The following SULT1B1 variants were observed in gnomAD, a reference collection of about 807,000 sequenced individuals.
SULT1B1 encodes the protein sulfotransferase 1B1.
Under a neutral mutation model 34.6 loss-of-function variants are expected in SULT1B1, and 28 were observed. The ratio of observed to expected loss-of-function variants is 0.81; its 90% CI spans 0.60 to 1.11. The LOEUF is 1.11. Ranked by LOEUF, SULT1B1 falls within the 50% of genes least tolerant of loss-of-function variation. The pLI, the probability that SULT1B1 is intolerant of heterozygous loss-of-function variation, is 0.00. For missense variants in SULT1B1, 374 were observed against 352.2 expected (o/e 1.06, Z -0.50); for synonymous variants, 147 against 110.2 (o/e 1.33, Z -2.09).
chr4:69,738,470 C>T (rs1718404404), intron 4 of SULT1B1, among the ~76,000 whole-genome samples: 2 of 152,128 alleles, frequency 1.3e-5, no homozygotes, highest in African/African-American at 4.8e-5. Context: ...AGGGGAAACA[C>T]CAGACACTTA....
At chr4:69,751,237 T>C (rs7659955) in intron 3 of SULT1B1, among the ~76,000 whole-genome samples, 11,296 of 152,276 alleles carry the variant, frequency 0.074, 477 homozygotes, top group African/African-American at 0.11. Context: ...TTACTTAATG[T>C]CCATTAGATG....
chr4:69,736,377 G>C (rs1355722194), intron 4 of SULT1B1, among the ~76,000 whole-genome samples: 1 of 152,204 alleles, frequency 6.6e-6, no homozygotes, highest in Non-Finnish European at 1.5e-5. Flanking sequence ...CTAAGGGACT[G>C]CTTGTGCCAC....
Position 69,724,945 on chromosome 4 carries a change from C to A in SULT1B1, c.*2143G>T, listed in dbSNP as rs968614307. The A allele has an allele frequency of 5.3e-5, 8 of 152,090 alleles. No homozygotes were observed. The highest frequency in any genetic ancestry group is 4.4e-5 in the Non-Finnish European group (3 of 68,030). 9.4% of individuals were successfully genotyped at this position (152,090 alleles called of 1,614,324 possible). A position where few individuals can be genotyped will look rare whatever the true frequency, so the allele number is the denominator to read the frequency against. On this transcript the variant is annotated 3_prime_UTR_variant, in exon 8 of 8. Coordinates refer to ENST00000310613, the MANE Select transcript of SULT1B1 (RefSeq NM_014465.4). ...AGAAGAAAACCTAGGCAATATCATT[C>A]AGGACATAGGCATGGGCAAGGACTT... is the stretch of plus-strand genomic sequence containing the variant.
Position 69,721,360 on chromosome 4 carries a change from C to T in SULT1B1, c.*5728G>A, listed in dbSNP as rs1361792796. ...AATTTATACATGGGTCATTGATAAC[C>T]ACCAGTATCTCTCTTTTTCCCCGGC... On this transcript the variant is annotated 3_prime_UTR_variant, in exon 8 of 8. Transcript: ENST00000310613. 1.3e-5 allele frequency: 2 copies of T among 152,168 alleles called. No homozygotes were observed. The highest frequency in any genetic ancestry group is 2.4e-5 in the African/African-American group (1 of 41,554). The allele number at this position is 152,168 out of a possible 1,614,324, so 9.4% of individuals were successfully genotyped here. A position where few individuals can be genotyped will look rare whatever the true frequency, so the allele number is the denominator to read the frequency against.
intron 3 of SULT1B1, among the ~76,000 whole-genome samples, chr4:69,754,365 A>C (rs41292315): frequency 0.067 from 10,162 of 152,198 alleles, 511 homozygotes; most frequent in Admixed American, 0.13. Flanking sequence ...CAAAGTCCTA[A>C]ATTAGGAACT....
At chr4:69,743,769 C>A (rs1578058815) in intron 4 of SULT1B1, among the ~76,000 whole-genome samples, 1 of 152,162 alleles carries the variant, frequency 6.6e-6, no homozygotes, top group African/African-American at 2.4e-5. Flanking sequence ...ATGACAGCAC[C>A]CGGGCTTGGT....
Position 69,726,986 on chromosome 4 carries a change from C to A in SULT1B1, c.*102G>T. ...CAACATATTAAAAGCATATTATTCTCCTTTATAAATTCATTTGATTGCCCA... is the reference window on the plus strand; with the variant it reads ...CAACATATTAAAAGCATATTATTCTACTTTATAAATTCATTTGATTGCCCA... On this transcript the variant is annotated 3_prime_UTR_variant, in exon 8 of 8. Coordinates refer to ENST00000310613, the MANE Select transcript of SULT1B1 (RefSeq NM_014465.4). The A allele has an allele frequency of 1.4e-6, 1 of 723,944 alleles. No individual in the cohort carries two copies. The highest frequency in any genetic ancestry group is 2.4e-5 in the South Asian group (1 of 41,034). 44.8% of individuals were successfully genotyped at this position (723,944 alleles called of 1,614,324 possible). A position where few individuals can be genotyped will look rare whatever the true frequency, so the allele number is the denominator to read the frequency against.
chr4:69,749,667 G>C, intron 4 of SULT1B1, 54 bp downstream of exon 4: 5 of 1,240,902 alleles, frequency 4.0e-6, no homozygotes, highest in Non-Finnish European at 5.9e-6. Context: ...AACTATGTGA[G>C]TGGGTAAAGG....
At chr4:69,753,533 A>G (rs1399902993) in intron 3 of SULT1B1, among the ~76,000 whole-genome samples, 1 of 152,122 alleles carries the variant, frequency 6.6e-6, no homozygotes, top group Non-Finnish European at 1.5e-5. Context: ...CTAATTTCCA[A>G]TTGTTTTGCA....
In SULT1B1 at chr4:69,723,258, T is replaced by C. The variant is rs1391452980; in HGVS notation, c.*3830A>G. ...AATACTAAAAACACCTCTACGCAAA[T>C]AAACTAGAAAATCTAGAAGAAATGG... On this transcript the variant is annotated 3_prime_UTR_variant, in exon 8 of 8. Coordinates refer to ENST00000310613, the MANE Select transcript of SULT1B1 (RefSeq NM_014465.4). The C allele has an allele frequency of 6.6e-6, 1 of 151,758 alleles. No homozygotes were observed. Among genetic ancestry groups the C allele is most frequent in the Non-Finnish European group, 1.5e-5 (1 of 67,954 alleles). 9.4% of individuals were successfully genotyped at this position (151,758 alleles called of 1,614,324 possible). A position where few individuals can be genotyped will look rare whatever the true frequency, so the allele number is the denominator to read the frequency against.
intron 1 of SULT1B1, 128 bp from the exon 2 acceptor site, chr4:69,755,389 C>A: frequency 1.5e-6 from 1 of 646,626 alleles, no homozygotes. Flanking sequence ...GTACAAAGGG[C>A]ATATTTTGTG....
chr4:69,740,998 T>C (rs1198243396), intron 4 of SULT1B1, among the ~76,000 whole-genome samples: 1 of 152,228 alleles, frequency 6.6e-6, no homozygotes, highest in African/African-American at 2.4e-5. Flanking sequence ...CTAAGTTTTC[T>C]TCTGGGTTTT....
At chr4:69,753,351 T>G (rs778882729) in intron 3 of SULT1B1, among the ~76,000 whole-genome samples, 3 of 152,188 alleles carry the variant, frequency 2.0e-5, no homozygotes, top group Non-Finnish European at 2.9e-5. Context: ...GCATCCTCAA[T>G]TCCACCTCTA....
rs1717726493 is a variant in SULT1B1 at position 69,723,876 on chromosome 4, A to T, written c.*3212T>A. On this transcript the variant is annotated 3_prime_UTR_variant, in exon 8 of 8. Coordinates refer to ENST00000310613, the MANE Select transcript of SULT1B1 (RefSeq NM_014465.4). Reference sequence around the variant, plus strand: ...ATTAGGTATTGATGGAATGTATCTCAAAATAAGGAGAGCCCTCTATGACAA... The same window carrying T: ...ATTAGGTATTGATGGAATGTATCTCTAAATAAGGAGAGCCCTCTATGACAA... 6.6e-6 allele frequency: 1 copy of T among 152,230 alleles called. No homozygotes were observed. Among genetic ancestry groups the T allele is most frequent in the Non-Finnish European group, 1.5e-5 (1 of 68,044 alleles). The allele number at this position is 152,230 out of a possible 1,614,324, so 9.4% of individuals were successfully genotyped here.
chr4:69,742,846 G>C (rs561998160), intron 4 of SULT1B1, among the ~76,000 whole-genome samples: 1 of 152,208 alleles, frequency 6.6e-6, no homozygotes, highest in African/African-American at 2.4e-5. Context: ...GCTGCGGTGC[G>C]GTGGGCAGCT....
At chr4:69,729,860 G>T (rs1717997705) in intron 7 of SULT1B1, among the ~76,000 whole-genome samples, 1 of 152,020 alleles carries the variant, frequency 6.6e-6, no homozygotes, top group Non-Finnish European at 1.5e-5. Context: ...TAAATGTATT[G>T]TTATTATTAA....
rs150425037 is a variant in SULT1B1 at position 69,750,265 on chromosome 4, T to C, written c.278-447A>G. On this transcript the variant is annotated intron_variant, in intron 3 of 7. Coordinates refer to ENST00000310613, the MANE Select transcript of SULT1B1 (RefSeq NM_014465.4). Reference sequence around the variant, plus strand: ...TCGTGTTGTATTAGGTACTGTAGCATAGATGATGTTAACTTTGTATATAAT... The same window carrying C: ...TCGTGTTGTATTAGGTACTGTAGCACAGATGATGTTAACTTTGTATATAAT... Among the ~76,000 whole-genome samples the C allele has an allele frequency of 9.8e-5, 15 of 152,334 alleles. No homozygotes were observed. The East Asian group carries it at 1.9e-3, about 20-fold the overall frequency.
At chr4:69,735,114 G>T (rs751527106) in intron 4 of SULT1B1, among the ~76,000 whole-genome samples, 3 of 152,000 alleles carry the variant, frequency 2.0e-5, no homozygotes, top group Non-Finnish European at 2.9e-5. Context: ...CATCGTGCCC[G>T]GCCTTTTGTA....
At chr4:69,754,937 A>T in intron 2 of SULT1B1, 133 bp downstream of exon 2, 1 of 1,215,500 alleles carries the variant, frequency 8.2e-7, no homozygotes, top group Admixed American at 2.2e-5. Context: ...TGCCAATTTT[A>T]ATATACTAAA....
Sources: allele counts gnomAD v4.1 joint callset (sites outside exome capture counted in the v4.1 genomes callset), GRCh38; gene constraint gnomAD v4.1.1; transcripts MANE v1.5; gene names NCBI Gene and HGNC (gene_info 2026-07-23, HGNC 2026-07-21).